Variants in BAZ1A observed in about 807,000 individuals in gnomAD.
BAZ1A encodes the protein bromodomain adjacent to zinc finger domain 1A.
Under a neutral mutation model 185.2 loss-of-function variants are expected in BAZ1A, and 50 were observed. That is an observed-to-expected ratio of 0.27 (90% confidence interval 0.22 to 0.34). The LOEUF (loss-of-function observed/expected upper bound fraction) is 0.34. BAZ1A is among the 10% of genes least tolerant of loss of function. The probability of loss-of-function intolerance (pLI) is 1.00; values close to 1 mark genes in which losing one functional copy is unlikely to be tolerated. For missense variants in BAZ1A, 1,356 were observed against 1,839.9 expected (o/e 0.74, Z 4.81); for synonymous variants, 571 against 615.6 (o/e 0.93, Z 1.07).
intron 3 of BAZ1A, among the ~76,000 whole-genome samples, chr14:34,836,829 A>C (rs1309479100): frequency 6.6e-6 from 1 of 152,048 alleles, no homozygotes; most frequent in African/African-American, 2.4e-5. Flanking sequence ...AAAGAGTGTG[A>C]ATTATGTCAA....
intron 3 of BAZ1A, among the ~76,000 whole-genome samples, chr14:34,844,634 T>C (rs1340811870): frequency 4.6e-5 from 7 of 151,464 alleles, no homozygotes. Context: ...AATTAAAAAT[T>C]AGCCAGGTGT....
chr14:34,753,759 A>T, intron 26 of BAZ1A, 55 bp from the exon 27 acceptor site: 3 of 1,313,040 alleles, frequency 2.3e-6, no homozygotes, highest in Non-Finnish European at 3.0e-6. Context: ...ATTATAATAA[A>T]TATAATTCTT....
intron 24 of BAZ1A, among the ~76,000 whole-genome samples, chr14:34,759,318 C>T (rs1251626704): frequency 6.6e-6 from 1 of 151,064 alleles, no homozygotes; most frequent in Non-Finnish European, 1.5e-5. Flanking sequence ...GTAGCTGGAA[C>T]TATAGGCACC....
At chr14:34,823,842 T>A (rs961021287) in intron 4 of BAZ1A, among the ~76,000 whole-genome samples, 1 of 152,160 alleles carries the variant, frequency 6.6e-6, no homozygotes, top group African/African-American at 2.4e-5. Flanking sequence ...TTATTATTAA[T>A]GAATAATTGC....
intron 1 of BAZ1A, 71 bp downstream of exon 1, chr14:34,875,067 G>A (rs1463249810): frequency 2.9e-6 from 1 of 348,226 alleles, no homozygotes; most frequent in Admixed American, 3.8e-5. Flanking sequence ...GGACCCCGGA[G>A]CTGCTCCGCT....
intron 3 of BAZ1A, among the ~76,000 whole-genome samples, chr14:34,849,542 CAG>C (rs1483890720): frequency 1.3e-5 from 2 of 151,740 alleles, no homozygotes; most frequent in Non-Finnish European, 2.9e-5. Context: ...GAAAAAAAAA[CAG>C]ATTTTAAAAA....
Position 34,764,784 on chromosome 14 carries a change from T to G in BAZ1A, c.3699A>C (p.Glu1233Asp). Residue 1233 changes from glutamate (E) to aspartate (D), a missense_variant, in exon 23 of 27, where the codon GAA becomes GAC. Coordinates refer to ENST00000360310, the MANE Select transcript of BAZ1A (RefSeq NM_013448.3). ...CTTCCTCCTCACTTTGACCTTCTTC[T>G]TCATCGCCATCAACTTCATCATCCT... ...GGEDDEVDGD[E>D]EEGQSEEEEY... 6.2e-7 allele frequency: 1 copy of G among 1,611,352 alleles called. No individual in the cohort carries two copies. The highest frequency in any genetic ancestry group is 1.3e-5 in the African/African-American group (1 of 74,996).
In BAZ1A at chr14:34,776,242, A is replaced by G; in HGVS notation, c.2510T>C (p.Leu837Pro). The G allele has an allele frequency of 6.2e-7, 1 of 1,614,048 alleles. No homozygotes were observed. Among genetic ancestry groups the G allele is most frequent in the Non-Finnish European group, 8.5e-7 (1 of 1,179,878 alleles). Residue 837 changes from leucine (L) to proline (P), a missense_variant, in exon 18 of 27, where the codon CTG becomes CCG. By Grantham distance (98) the Leu-to-Pro change is moderately conservative (BLOSUM62 -3). This residue lies in a region of BAZ1A where 434 missense variants were observed against 561.7 expected (regional missense o/e 0.77). Transcript: ENST00000360310. ...CTGAAATGATGAAGGTCTAGGCAACAGCATGTCTTCAGTAAGACCAGAATA... is the reference window on the plus strand; with the variant it reads ...CTGAAATGATGAAGGTCTAGGCAACGGCATGTCTTCAGTAAGACCAGAATA... ...EDYSGLTEDMLLPRPSSFQNN... is the reference protein window; with the variant it reads ...EDYSGLTEDMPLPRPSSFQNN...
chr14:34,858,408 G>A lies in BAZ1A; in HGVS notation c.392+3636C>T, dbSNP rs145475311. Among the ~76,000 whole-genome samples, 471 of 152,276 alleles carry A rather than the reference G, an allele frequency of 3.1e-3. 3 individuals are homozygous for A. Among genetic ancestry groups the A allele is most frequent in the African/African-American group, 0.011 (449 of 41,534 alleles). The stretch of plus-strand genomic sequence containing the variant: ...TAACTGGAATTATAGGCACATGCCT[G>A]TAATTGACTATTGACTACTCCCTTG... On this transcript the variant is annotated intron_variant, in intron 3 of 26. Transcript: ENST00000360310.
At chr14:34,761,619 C>A in intron 24 of BAZ1A, 138 bp downstream of exon 24, 1 of 705,168 alleles carries the variant, frequency 1.4e-6, no homozygotes, top group Non-Finnish European at 2.3e-6. Flanking sequence ...GACTATTATG[C>A]TTCAGGTCAG....
chr14:34,788,599 C>T (rs963067792), intron 12 of BAZ1A, among the ~76,000 whole-genome samples: 2 of 152,050 alleles, frequency 1.3e-5, no homozygotes, highest in African/African-American at 2.4e-5. Flanking sequence ...CCACCATGCC[C>T]GGCCCATTTT....
At chr14:34,855,623 G>T (rs1269653224) in intron 3 of BAZ1A, among the ~76,000 whole-genome samples, 1 of 152,096 alleles carries the variant, frequency 6.6e-6, no homozygotes, top group Non-Finnish European at 1.5e-5. Flanking sequence ...GCCAGGCATG[G>T]TGGCTCACAT....
At chr14:34,789,997 G>A (rs1880736636) in intron 12 of BAZ1A, among the ~76,000 whole-genome samples, 1 of 152,084 alleles carries the variant, frequency 6.6e-6, no homozygotes, top group South Asian at 2.1e-4. Flanking sequence ...CCTCAAAAGA[G>A]TAGTATGAGA....
intron 5 of BAZ1A, 49 bp from the exon 6 acceptor site, chr14:34,807,587 T>C: frequency 7.4e-7 from 1 of 1,350,280 alleles, no homozygotes; most frequent in Non-Finnish European, 1.0e-6. Context: ...CATCAAAGAG[T>C]TCAACCCCAA....
At chr14:34,833,571 T>C (rs1055257613) in intron 3 of BAZ1A, among the ~76,000 whole-genome samples, 3 of 151,978 alleles carry the variant, frequency 2.0e-5, no homozygotes, top group African/African-American at 7.3e-5. Flanking sequence ...AAGAAAACAT[T>C]ATGTTCAGTG....
At chr14:34,862,352 G>GC in intron 2 of BAZ1A, 30 bp from the exon 3 acceptor site, 1 of 1,563,044 alleles carries the variant, frequency 6.4e-7, no homozygotes, top group Non-Finnish European at 8.6e-7. Context: ...AAAAACAAAA[G>GC]CCCATTACCT....
chr14:34,815,946 A>G (rs1334423757), intron 4 of BAZ1A, among the ~76,000 whole-genome samples: 2 of 152,146 alleles, frequency 1.3e-5, no homozygotes, highest in African/African-American at 4.8e-5. Flanking sequence ...CAGCAAAACA[A>G]TTAGGTCTGC....
At chr14:34,785,562 A>G (rs1022272959) in intron 14 of BAZ1A, among the ~76,000 whole-genome samples, 1 of 152,250 alleles carries the variant, frequency 6.6e-6, no homozygotes, top group Non-Finnish European at 1.5e-5. Context: ...AACTCAGTAG[A>G]TGTAGTAGAC....
At chr14:34,792,683 A>T (rs1880930821) in intron 12 of BAZ1A, 92 bp downstream of exon 12, 1 of 1,412,022 alleles carries the variant, frequency 7.1e-7, no homozygotes, top group African/African-American at 1.4e-5. Context: ...TTTTATAAGC[A>T]TAAAAGCCAA....
Sources: allele counts gnomAD v4.1 joint callset (sites outside exome capture counted in the v4.1 genomes callset), GRCh38; gene constraint gnomAD v4.1.1; regional missense constraint gnomAD v4.1.1; transcripts MANE v1.5; gene names NCBI Gene and HGNC (gene_info 2026-07-23, HGNC 2026-07-21).